The following ATP6V1D variants were observed in gnomAD, a reference collection of about 807,000 sequenced individuals.
ATP6V1D encodes ATPase H+ transporting V1 subunit D, also known as V-type proton ATPase subunit D.
A neutral mutation model predicts 39.4 loss-of-function variants in ATP6V1D; 20 were observed. The observed-to-expected ratio is 0.51, with a 90% CI of 0.36 to 0.74. ATP6V1D has a LOEUF of 0.74. Among genes scored for constraint, ATP6V1D ranks in the 30% least tolerant of loss-of-function variants. The probability of loss-of-function intolerance (pLI) is 0.00; values close to 1 mark genes in which losing one functional copy is unlikely to be tolerated. For synonymous variants in ATP6V1D, 100 were observed against 100.5 expected (o/e 0.99, Z 0.03); for missense variants, 228 against 291.6 (o/e 0.78, Z 1.59).
intron 1 of ATP6V1D, among the ~76,000 whole-genome samples, chr14:67,358,380 T>C (rs116957133): frequency 0.027 from 4,095 of 152,268 alleles, 77 homozygotes; most frequent in Non-Finnish European, 0.043. Flanking sequence ...CAGAAAGAAA[T>C]CTGGGCTTCA....
At chr14:67,359,106 A>T (rs1344880969) in intron 1 of ATP6V1D, among the ~76,000 whole-genome samples, 1 of 152,224 alleles carries the variant, frequency 6.6e-6, no homozygotes, top group Non-Finnish European at 1.5e-5. Context: ...CTCTCACAGC[A>T]GGTGACATTT....
At chr14:67,356,130 A>T (rs2085683516) in intron 1 of ATP6V1D, among the ~76,000 whole-genome samples, 1 of 152,116 alleles carries the variant, frequency 6.6e-6, no homozygotes, top group South Asian at 2.1e-4. Flanking sequence ...GTACTAATAA[A>T]CTTTTTTGGC....
At chr14:67,343,003 T>C (rs1290433360) in intron 7 of ATP6V1D, among the ~76,000 whole-genome samples, 1 of 152,222 alleles carries the variant, frequency 6.6e-6, no homozygotes. Flanking sequence ...AAGTTAAATA[T>C]TTAATGTACT....
chr14:67,340,072 T>A (rs2085568431), intron 8 of ATP6V1D: 1 of 165,400 alleles, frequency 6.0e-6, no homozygotes, highest in Non-Finnish European at 1.3e-5. Context: ...AGTCTTGGCT[T>A]GTCCAAAGGT....
In ATP6V1D at chr14:67,338,511, CA is replaced by C; in HGVS notation, c.*109del. 1 of 1,192,396 alleles carries C rather than the reference CA, an allele frequency of 8.4e-7. No individual in the cohort carries two copies. Among genetic ancestry groups the C allele is most frequent in the Non-Finnish European group, 1.1e-6 (1 of 873,774 alleles). The allele number at this position is 1,192,396 out of a possible 1,614,324, so 73.9% of individuals were successfully genotyped here. On this transcript the variant is annotated 3_prime_UTR_variant, in exon 9 of 9. Coordinates refer to ENST00000216442, the MANE Select transcript of ATP6V1D (RefSeq NM_015994.4). Reference sequence around the variant, plus strand: ...TAGACATCTAGGTAAATTTTACAACCAGTGAAATTCTTAGGCCAAAAAATAA... The same window carrying C: ...TAGACATCTAGGTAAATTTTACAACCGTGAAATTCTTAGGCCAAAAAATAA...
intron 2 of ATP6V1D, 110 bp from the exon 3 acceptor site, chr14:67,350,800 G>A (rs982650245): frequency 2.1e-5 from 21 of 1,016,132 alleles, no homozygotes; most frequent in Non-Finnish European, 2.9e-5. Flanking sequence ...GGCTGTGCAT[G>A]TAAATATTGG....
At chr14:67,355,996 C>CA (rs1373346357) in intron 1 of ATP6V1D, among the ~76,000 whole-genome samples, 3 of 151,724 alleles carry the variant, frequency 2.0e-5, no homozygotes, top group African/African-American at 4.8e-5. Flanking sequence ...GACTCGGTCT[C>CA]AAAAAAACAA....
At chr14:67,344,105 T>A (rs10144774) in intron 6 of ATP6V1D, among the ~76,000 whole-genome samples, 28,855 of 152,178 alleles carry the variant, frequency 0.19, 4,379 homozygotes, top group East Asian at 0.48. Flanking sequence ...TTGTTTCTGA[T>A]TCATGAAGTT....
intron 1 of ATP6V1D, among the ~76,000 whole-genome samples, chr14:67,354,207 T>G (rs1832824882): frequency 6.6e-6 from 1 of 152,240 alleles, no homozygotes; most frequent in Admixed American, 6.5e-5. Flanking sequence ...AAATGAAAAG[T>G]TTATTAATTT....
At chr14:67,343,314 CACG>C (rs2085598884) in intron 7 of ATP6V1D, 55 bp downstream of exon 7, 19 of 1,346,724 alleles carry the variant, frequency 1.4e-5, no homozygotes, top group Non-Finnish European at 1.9e-5. Flanking sequence ...CTAGCAGTTT[CACG>C]ACAAGTGGAG....
chr14:67,343,538 A>G, intron 6 of ATP6V1D, 100 bp from the exon 7 acceptor site: 1 of 838,820 alleles, frequency 1.2e-6, no homozygotes, highest in South Asian at 1.7e-5. Flanking sequence ...AACATTTGAG[A>G]ACCAAGACAA....
rs548713638 is a variant in ATP6V1D, at chr14:67,342,549, G to A, written c.523+823C>T. ...TGTGAACTCTGAGGGTAAGAACTAC[G>A]AATTATCCTTTTTTTTTTTTTTTTC... On this transcript the variant is annotated intron_variant, in intron 7 of 8. Transcript: ENST00000216442. Among the ~76,000 whole-genome samples the A allele has an allele frequency of 6.3e-5, 9 of 143,366 alleles. No homozygotes were observed. In the East Asian group the frequency reaches 1.9e-3, roughly 31 times the overall value. 94.1% of individuals were successfully genotyped at this position (143,366 alleles called of 152,430 possible). A position where few individuals can be genotyped will look rare whatever the true frequency, so the allele number is the denominator to read the frequency against.
intron 8 of ATP6V1D, among the ~76,000 whole-genome samples, chr14:67,339,177 A>C (rs2085561133): frequency 6.6e-6 from 1 of 152,004 alleles, no homozygotes; most frequent in Non-Finnish European, 1.5e-5. Flanking sequence ...TTGTATTTTT[A>C]GTAGAGACGG....
intron 8 of ATP6V1D, among the ~76,000 whole-genome samples, chr14:67,339,456 T>C (rs1353185339): frequency 6.6e-6 from 1 of 152,178 alleles, no homozygotes; most frequent in Non-Finnish European, 1.5e-5. Context: ...CATAGTTAGA[T>C]GCTAACTCCA....
At chr14:67,347,475 A>G (rs1362531782) in intron 4 of ATP6V1D, 22 bp from the exon 5 acceptor site, 3 of 1,571,950 alleles carry the variant, frequency 1.9e-6, no homozygotes, top group African/African-American at 2.8e-5. Flanking sequence ...AGAAGCATAC[A>G]TGGATTCATA....
In ATP6V1D at chr14:67,350,599, T is replaced by C; in HGVS notation, c.239+12A>G. The stretch of plus-strand genomic sequence containing the variant: ...TTGTTTTGCTTCAAAACACCCCGTT[T>C]AGTCCCCTTACCTGAAGTCACCTGC... On this transcript the variant is annotated intron_variant, in intron 3 of 8. Coordinates refer to ENST00000216442, the MANE Select transcript of ATP6V1D (RefSeq NM_015994.4). 6.2e-7 allele frequency: 1 copy of C among 1,610,592 alleles called. No homozygotes were observed. Among genetic ancestry groups the C allele is most frequent in the Non-Finnish European group, 8.5e-7 (1 of 1,177,904 alleles).
intron 2 of ATP6V1D, 54 bp downstream of exon 2, chr14:67,352,869 G>A: frequency 8.4e-7 from 1 of 1,197,016 alleles, no homozygotes; most frequent in Non-Finnish European, 1.2e-6. Context: ...AAATGCCAAG[G>A]GCCATGCTGG....
intron 6 of ATP6V1D, 40 bp from the exon 7 acceptor site, chr14:67,343,478 T>C (rs1306876869): frequency 1.5e-6 from 2 of 1,358,236 alleles, no homozygotes; most frequent in Non-Finnish European, 2.1e-6. Flanking sequence ...CACAAAGTCT[T>C]CCTAATCATT....
rs184424063 is a variant in ATP6V1D at position 67,338,990 on chromosome 14, G to A, written c.603-228C>T. Among the ~76,000 whole-genome samples, 829 of 146,726 alleles carry A rather than the reference G, an allele frequency of 5.6e-3. 9 individuals carry two copies. The highest frequency in any genetic ancestry group is 0.02 in the African/African-American group (810 of 40,046). On this transcript the variant is annotated intron_variant, in intron 8 of 8. Transcript: ENST00000216442. ...ATAACTGATTTAACCTGAGACAGAA[G>A]CCTTTTTTTTTTTTTTTTTTTGAGA... is the stretch of plus-strand genomic sequence containing the variant.
Sources: allele counts gnomAD v4.1 joint callset (sites outside exome capture counted in the v4.1 genomes callset), GRCh38; gene constraint gnomAD v4.1.1; transcripts MANE v1.5; gene names NCBI Gene and HGNC (gene_info 2026-07-23, HGNC 2026-07-21).